Variants in IZUMO3 observed in about 807,000 individuals in gnomAD.
The protein encoded by IZUMO3 is IZUMO family member 3.
A neutral mutation model predicts 28.4 loss-of-function variants in IZUMO3; 36 were observed. That is an observed-to-expected ratio of 1.27 (90% confidence interval 0.97 to 1.67). The LOEUF (loss-of-function observed/expected upper bound fraction) is 1.67. Among genes scored for constraint, IZUMO3 ranks in the 40% most tolerant of loss-of-function variants. IZUMO3 has a pLI of 0.00. For synonymous variants in IZUMO3, 126 were observed against 99.2 expected (o/e 1.27, Z -1.61); for missense variants, 387 against 278.5 (o/e 1.39, Z -2.77).
In IZUMO3 at chr9:24,544,960, A is replaced by G. The variant is rs1819552556; in HGVS notation, c.391+12T>C. The G allele has an allele frequency of 1.3e-6, 2 of 1,530,614 alleles. No homozygotes were observed. The highest frequency in any genetic ancestry group is 2.8e-5 in the African/African-American group (2 of 72,714). The allele number at this position is 1,530,614 out of a possible 1,614,324, so 94.8% of individuals were successfully genotyped here. On this transcript the variant is annotated intron_variant, in intron 3 of 6. Coordinates refer to ENST00000543880, the MANE Select transcript of IZUMO3 (RefSeq NM_001365008.2). ...ATAACTTCAGTGCTGTTATATAGAA[A>G]GTTTTACTTACCAATTTCAGAGAAG...
At chr9:24,544,430 A>G (rs184979870) in intron 4 of IZUMO3, 149 bp from the exon 5 acceptor site, 27 of 689,052 alleles carry the variant, frequency 3.9e-5, no homozygotes, top group African/African-American at 3.8e-4. Context: ...CTAGAAATCA[A>G]GTTTCTTGAT....
At position 24,545,515 on chromosome 9, in the gene IZUMO3, G is replaced by A. The variant is rs6475797; in HGVS notation, c.135C>T (p.Pro45=). 814,789 of 1,534,984 alleles carry A rather than the reference G, an allele frequency of 0.53. 226,880 individuals carry two copies. Among genetic ancestry groups the A allele is most frequent in the African/African-American group, 0.9 (65,845 of 73,072 alleles). The change falls in exon 1 of 7, where the codon CCC becomes CCT. Residue 45 remains proline, a synonymous_variant. Coordinates refer to ENST00000543880, the MANE Select transcript of IZUMO3 (RefSeq NM_001365008.2). ...LLGNLIPSEV[P]GRTQLLERQI... ...GCCGTTCAAGCAGCTGAGTTCGGCC[G>A]GGGACTTCTGAAGGTATCAGATTTC...
chr9:24,544,522 C>T (rs1819535322), intron 4 of IZUMO3, among the ~76,000 whole-genome samples: 3 of 152,036 alleles, frequency 2.0e-5, no homozygotes. Context: ...GGGTTGTAAA[C>T]CATATGTTAG....
Position 24,544,286 on chromosome 9 carries a change from T to C in IZUMO3, c.410-5A>G. On this transcript the variant is annotated splice_polypyrimidine_tract_variant and splice_region_variant and intron_variant, in intron 4 of 6. Transcript: ENST00000543880. ...GAATGGGACCTTCAACCACAACTGA[T>C]AAAGAGGAGAAGAAAGATAATCAGA... The C allele has an allele frequency of 1.9e-6, 3 of 1,544,270 alleles. No homozygotes were observed. Among genetic ancestry groups the C allele is most frequent in the Non-Finnish European group, 2.6e-6 (3 of 1,141,340 alleles).
At chr9:24,543,856 T>G in intron 5 of IZUMO3, 102 bp from the exon 6 acceptor site, 2 of 747,380 alleles carry the variant, frequency 2.7e-6, no homozygotes. Flanking sequence ...CAGTTTGCCC[T>G]GTTTACTACT....
chr9:24,544,585 A>G (rs1819536773), intron 4 of IZUMO3, among the ~76,000 whole-genome samples, 158 bp downstream of exon 4: 1 of 152,134 alleles, frequency 6.6e-6, no homozygotes, highest in Non-Finnish European at 1.5e-5. Context: ...TTCATGAGCT[A>G]GGTTTCGTTA....
intron 5 of IZUMO3, 150 bp from the exon 6 acceptor site, chr9:24,543,904 T>G: frequency 1.6e-6 from 1 of 642,112 alleles, no homozygotes; most frequent in Non-Finnish European, 2.7e-6. Context: ...CTTTATTACT[T>G]TTAGTCTCCT....
chr9:24,544,378 C>T lies in IZUMO3; in HGVS notation c.410-97G>A, dbSNP rs879209664. The T allele has an allele frequency of 3.5e-6, 3 of 868,346 alleles. No homozygotes were observed. In the South Asian group the frequency reaches 4.4e-5, roughly 13 times the overall value. The allele number at this position is 868,346 out of a possible 1,614,324, so 53.8% of individuals were successfully genotyped here. A position where few individuals can be genotyped will look rare whatever the true frequency, so the allele number is the denominator to read the frequency against. On this transcript the variant is annotated intron_variant, in intron 4 of 6. Coordinates refer to ENST00000543880, the MANE Select transcript of IZUMO3 (RefSeq NM_001365008.2). ...GTGGAGGATTTGATCTCAAGCATTC[C>T]CAGGACTCTCAAGTTTGCATTGCTG...
At chr9:24,545,114 A>G in intron 2 of IZUMO3, 53 bp from the exon 3 acceptor site, 1 of 1,475,148 alleles carries the variant, frequency 6.8e-7, no homozygotes, top group Non-Finnish European at 9.3e-7. Flanking sequence ...TTCCCTTCAG[A>G]AGTTAATTAT....
chr9:24,545,107 C>G (rs1267884858), intron 2 of IZUMO3, 46 bp from the exon 3 acceptor site: 1 of 1,475,266 alleles, frequency 6.8e-7, no homozygotes, highest in African/African-American at 1.4e-5. Context: ...GTAGCTCTTC[C>G]CTTCAGAAGT....
chr9:24,545,726 C>T lies in IZUMO3; in HGVS notation c.-77G>A. 2 of 1,533,092 alleles carry T rather than the reference C, an allele frequency of 1.3e-6. No homozygotes were observed. The highest frequency in any genetic ancestry group is 1.8e-6 in the Non-Finnish European group (2 of 1,142,372). The allele number at this position is 1,533,092 out of a possible 1,614,324, so 95.0% of individuals were successfully genotyped here. A position where few individuals can be genotyped will look rare whatever the true frequency, so the allele number is the denominator to read the frequency against. On this transcript the variant is annotated 5_prime_UTR_variant, in exon 1 of 7. Coordinates refer to ENST00000543880, the MANE Select transcript of IZUMO3 (RefSeq NM_001365008.2). ...ACTTAGTTCCTTTTCCTTCAAAAATCCGGGAATGAGAGCCTGGTTCTGGAT... is the reference window on the plus strand; with the variant it reads ...ACTTAGTTCCTTTTCCTTCAAAAATTCGGGAATGAGAGCCTGGTTCTGGAT...
rs180913652 is a variant in IZUMO3 at position 24,544,491 on chromosome 9, C to A, written c.410-210G>T. Among the ~76,000 whole-genome samples, 247 of 152,182 alleles carry A rather than the reference C, an allele frequency of 1.6e-3. 1 individual carries two copies. The highest frequency in any genetic ancestry group is 5.1e-3 in the African/African-American group (210 of 41,530). ...CCAGGAAAAAGCGGGAAAAGGATGC[C>A]TCAGCTTATACTGGGGCAATGGGTT... On this transcript the variant is annotated intron_variant, in intron 4 of 6. Coordinates refer to ENST00000543880, the MANE Select transcript of IZUMO3 (RefSeq NM_001365008.2).
At position 24,544,241 on chromosome 9, in the gene IZUMO3, A is replaced by C. The variant is rs1819527797; in HGVS notation, c.450T>G (p.Leu150=). Residue 150 remains leucine (L), a synonymous_variant, in exon 5 of 7, where the codon CTT becomes CTG. Transcript: ENST00000543880. ...EGPILDCWTC[L]RMTNRCFKGE... ...CTTTGAAGCACCTGTTAGTCATGCGAAGACACGTCCAACAATCAAGAATGG... is the reference window on the plus strand; with the variant it reads ...CTTTGAAGCACCTGTTAGTCATGCGCAGACACGTCCAACAATCAAGAATGG... 1 of 1,550,418 alleles carries C rather than the reference A, an allele frequency of 6.4e-7. No homozygotes were observed. Among genetic ancestry groups the C allele is most frequent in the Non-Finnish European group, 8.7e-7 (1 of 1,146,738 alleles).
intron 5 of IZUMO3, 85 bp from the exon 6 acceptor site, chr9:24,543,839 T>C (rs1819518528): frequency 2.2e-6 from 2 of 893,758 alleles, no homozygotes; most frequent in South Asian, 1.5e-5. Context: ...GAAAACTCTT[T>C]TAACCTCAGT....
Position 24,544,906 on chromosome 9 carries a change from C to T in IZUMO3, c.391+66G>A, listed in dbSNP as rs949658828. 16 of 1,370,680 alleles carry T rather than the reference C, an allele frequency of 1.2e-5. No individual in the cohort carries two copies. The African/African-American group carries it at 2.0e-4, about 17-fold the overall frequency. The allele number at this position is 1,370,680 out of a possible 1,614,324, so 84.9% of individuals were successfully genotyped here. On this transcript the variant is annotated intron_variant, in intron 3 of 6. Transcript: ENST00000543880. ...CTCTATTATGAACTTGCATTTCTTCCCTCATCCCGCATTTTCTATTCCCTT... is the reference window on the plus strand; with the variant it reads ...CTCTATTATGAACTTGCATTTCTTCTCTCATCCCGCATTTTCTATTCCCTT...
rs888480735 is a variant in IZUMO3 at position 24,545,218 on chromosome 9, A to G, written c.295T>C (p.Trp99Arg). Residue 99 changes from tryptophan to arginine, a missense_variant, in exon 2 of 7, where the codon TGG becomes CGG. Transcript: ENST00000543880. ...CATTGAAACAGTACCTCACCTTTCC[A>G]TGTTTCATTGCCCAGTTTATAAAAT... ...NEFYKLGNET[W>R]KGVFIYQGKL... 3.2e-6 allele frequency: 5 copies of G among 1,549,494 alleles called. No individual in the cohort carries two copies. Among genetic ancestry groups the G allele is most frequent in the African/African-American group, 2.7e-5 (2 of 72,978 alleles).
Position 24,545,661 on chromosome 9 carries a change from C to T in IZUMO3, c.-12G>A. ...CACAGGTCACCCATTTCTTTCTTCA[C>T]CCCCGCTCCCCGACAGCAGGTTGTC... On this transcript the variant is annotated 5_prime_UTR_variant, in exon 1 of 7. In the 5' UTR this introduces an upstream ATG that the reference lacks. Coordinates refer to ENST00000543880, the MANE Select transcript of IZUMO3 (RefSeq NM_001365008.2). 2 of 1,534,740 alleles carry T rather than the reference C, an allele frequency of 1.3e-6. No homozygotes were observed. The highest frequency in any genetic ancestry group is 1.7e-6 in the Non-Finnish European group (2 of 1,146,564).
Position 24,544,299 on chromosome 9 carries a change from A to G in IZUMO3, c.410-18T>C. ...AACCACAACTGATAAAGAGGAGAAG[A>G]AAGATAATCAGAAAGAGGGCATGGC... On this transcript the variant is annotated intron_variant, in intron 4 of 6. Transcript: ENST00000543880. The G allele has an allele frequency of 6.5e-7, 1 of 1,531,162 alleles. No homozygotes were observed. Among genetic ancestry groups the G allele is most frequent in the Non-Finnish European group, 8.9e-7 (1 of 1,129,394 alleles). 94.8% of individuals were successfully genotyped at this position (1,531,162 alleles called of 1,614,324 possible).
Position 24,545,677 on chromosome 9 carries a change from G to A in IZUMO3, c.-28C>T, listed in dbSNP as rs912037089. ...CTTTCTTCACCCCCGCTCCCCGACA[G>A]CAGGTTGTCCTGGCAACTAGTTCAC... On this transcript the variant is annotated 5_prime_UTR_variant, in exon 1 of 7. Coordinates refer to ENST00000543880, the MANE Select transcript of IZUMO3 (RefSeq NM_001365008.2). 2.6e-6 allele frequency: 4 copies of A among 1,534,802 alleles called. No individual in the cohort carries two copies. Among genetic ancestry groups the A allele is most frequent in the Non-Finnish European group, 3.5e-6 (4 of 1,146,408 alleles).
Sources: allele counts gnomAD v4.1 joint callset (sites outside exome capture counted in the v4.1 genomes callset), GRCh38; gene constraint gnomAD v4.1.1; transcripts MANE v1.5; gene names NCBI Gene and HGNC (gene_info 2026-07-23, HGNC 2026-07-21).